The following EBF1 variants were observed in gnomAD, a reference collection of about 807,000 sequenced individuals.
The protein encoded by EBF1 is transcription factor COE1.
Under a neutral mutation model 68.4 loss-of-function variants are expected in EBF1, and 10 were observed. The ratio of observed to expected loss-of-function variants is 0.15; its 90% confidence interval spans 0.09 to 0.25. EBF1 has a LOEUF of 0.25. Among genes scored for constraint, EBF1 ranks in the 10% least tolerant of loss-of-function variants. The pLI, the probability that EBF1 is intolerant of heterozygous loss-of-function variation, is 1.00. For missense variants in EBF1, 509 were observed against 794.4 expected, an observed-to-expected ratio of 0.64 and a Z score of 4.32; for synonymous variants, 298 against 299.8, an observed-to-expected ratio of 0.99 and a Z score of 0.06.
chr5:158,737,202 T>C (rs1280672753), intron 10 of EBF1, among the ~76,000 whole-genome samples: 1 of 143,532 alleles, frequency 7.0e-6, no homozygotes, highest in Non-Finnish European at 1.5e-5. Flanking sequence ...GAAGCCAACA[T>C]AGGCAGAATT....
At chr5:158,802,392 T>TAATCTA (rs1043896902) in intron 8 of EBF1, among the ~76,000 whole-genome samples, 9 of 152,302 alleles carry the variant, frequency 5.9e-5, no homozygotes, top group African/African-American at 1.7e-4. Context: ...AGAAATTTTC[T>TAATCTA]AATCTAAATC....
chr5:158,724,748 G>A lies in EBF1; in HGVS notation c.1125+6321C>T, dbSNP rs369331506. On this transcript the variant is annotated intron_variant, in intron 11 of 15. Coordinates refer to ENST00000313708, the MANE Select transcript of EBF1 (RefSeq NM_024007.5). ...TGAAGTGAATAATATTTGGCACAAT[G>A]CAGTGCACAACTGAGCCACTAAATG... Among the ~76,000 whole-genome samples, 21 of 152,258 alleles carry A rather than the reference G, an allele frequency of 1.4e-4. 1 individual carries two copies. The South Asian group carries it at 3.9e-3, about 29-fold the overall frequency.
intron 6 of EBF1, among the ~76,000 whole-genome samples, chr5:159,025,906 G>C (rs954646939): frequency 1.3e-5 from 2 of 152,114 alleles, no homozygotes; most frequent in African/African-American, 4.8e-5. Context: ...TTTTCTTCTT[G>C]GGCATTTTAT....
chr5:158,732,483 T>C (rs1764302146), intron 10 of EBF1, among the ~76,000 whole-genome samples: 1 of 152,080 alleles, frequency 6.6e-6, no homozygotes, highest in African/African-American at 2.4e-5. Flanking sequence ...ATTATACCAA[T>C]AGAACTCTTT....
intron 7 of EBF1, among the ~76,000 whole-genome samples, chr5:158,823,679 G>A (rs954221723): frequency 4.6e-5 from 7 of 152,128 alleles, no homozygotes; most frequent in African/African-American, 1.4e-4. Flanking sequence ...TATCACAGTT[G>A]ATCATGCAAA....
At chr5:158,729,555 C>T (rs1581390714) in intron 11 of EBF1, among the ~76,000 whole-genome samples, 1 of 152,248 alleles carries the variant, frequency 6.6e-6, no homozygotes, top group East Asian at 1.9e-4. Context: ...ACAGAGGAAC[C>T]TAATGGTAAA....
At chr5:159,042,976 G>T (rs1332163312) in intron 6 of EBF1, among the ~76,000 whole-genome samples, 1 of 152,082 alleles carries the variant, frequency 6.6e-6, no homozygotes, top group African/African-American at 2.4e-5. Context: ...AAAGGATAAG[G>T]CCTGATTCAC....
chr5:158,948,961 T>C (rs1053986559), intron 6 of EBF1, among the ~76,000 whole-genome samples: 1 of 151,998 alleles, frequency 6.6e-6, no homozygotes, highest in Non-Finnish European at 1.5e-5. Context: ...TACTCTGGAG[T>C]TGGATCATGG....
chr5:158,853,419 A>G (rs1183567722), intron 6 of EBF1, among the ~76,000 whole-genome samples: 3 of 152,246 alleles, frequency 2.0e-5, no homozygotes, highest in Non-Finnish European at 2.9e-5. Context: ...TGGAATTTCC[A>G]TTTATGAGAG....
intron 10 of EBF1, among the ~76,000 whole-genome samples, chr5:158,772,524 A>G (rs1342647839): frequency 1.3e-5 from 2 of 152,182 alleles, no homozygotes. Context: ...TTAAAATATT[A>G]GCTGTGTGAT....
intron 6 of EBF1, among the ~76,000 whole-genome samples, chr5:159,029,592 A>G (rs1232734039): frequency 6.6e-6 from 1 of 152,180 alleles, no homozygotes; most frequent in African/African-American, 2.4e-5. Context: ...TTTCAAGTTT[A>G]CTTGAAAAAG....
intron 11 of EBF1, among the ~76,000 whole-genome samples, chr5:158,718,810 T>C (rs1215053020): frequency 6.6e-6 from 1 of 152,154 alleles, no homozygotes; most frequent in Non-Finnish European, 1.5e-5. Context: ...AAAAGAGTGC[T>C]GACCATCTGT....
intron 6 of EBF1, among the ~76,000 whole-genome samples, chr5:158,924,535 T>C (rs1209046448): frequency 6.6e-6 from 1 of 152,160 alleles, no homozygotes; most frequent in Non-Finnish European, 1.5e-5. Flanking sequence ...TTTCTCCATG[T>C]GGCATTCAGA....
chr5:158,999,590 T>A (rs1762117096), intron 6 of EBF1, among the ~76,000 whole-genome samples: 1 of 152,216 alleles, frequency 6.6e-6, no homozygotes, highest in Non-Finnish European at 1.5e-5. Flanking sequence ...TTCAGGATTA[T>A]AAACAGAGAA....
At chr5:159,074,904 A>G (rs1778462239) in intron 5 of EBF1, among the ~76,000 whole-genome samples, 1 of 151,502 alleles carries the variant, frequency 6.6e-6, no homozygotes, top group Non-Finnish European at 1.5e-5. Flanking sequence ...AAGTATCATG[A>G]TATCTAAGAG....
intron 6 of EBF1, among the ~76,000 whole-genome samples, chr5:159,020,435 A>G (rs1766444281): frequency 2.0e-5 from 3 of 152,148 alleles, no homozygotes; most frequent in Admixed American, 2.0e-4. Flanking sequence ...AGGCCTTTGC[A>G]GTATCCGCCA....
chr5:158,884,543 C>A (rs1048828093), intron 6 of EBF1, among the ~76,000 whole-genome samples: 1 of 152,038 alleles, frequency 6.6e-6, no homozygotes, highest in African/African-American at 2.4e-5. Context: ...GCCCTCAGGA[C>A]AGGGGAAAGT....
At chr5:158,821,007 T>TG in intron 8 of EBF1, among the ~76,000 whole-genome samples, 1 of 152,314 alleles carries the variant, frequency 6.6e-6, no homozygotes, top group East Asian at 1.9e-4. Context: ...CTGGAACATC[T>TG]GGCCCCACTT....
At chr5:158,844,107 A>G (rs529694584) in intron 6 of EBF1, among the ~76,000 whole-genome samples, 34 of 151,098 alleles carry the variant, frequency 2.3e-4, no homozygotes, top group East Asian at 9.8e-4. Context: ...CAAAGCCCCT[A>G]TTGACCCTGT....
Sources: allele counts gnomAD v4.1 joint callset (sites outside exome capture counted in the v4.1 genomes callset), GRCh38; gene constraint gnomAD v4.1.1; transcripts MANE v1.5; gene names NCBI Gene and HGNC (gene_info 2026-07-23, HGNC 2026-07-21).